The following HIF3A variants were observed in gnomAD, a reference collection of about 807,000 sequenced individuals.
The protein encoded by HIF3A is hypoxia inducible factor 3 subunit alpha, also known as hypoxia-inducible factor 3-alpha.
In HIF3A, 41 loss-of-function variants were observed where a neutral mutation model predicts 67.2. The observed-to-expected ratio is 0.61, with a 90% CI of 0.48 to 0.79. The LOEUF (loss-of-function observed/expected upper bound fraction) is 0.79. Among genes scored for constraint, HIF3A ranks in the 30% least tolerant of loss-of-function variants. The probability of loss-of-function intolerance (pLI) is 0.00; values close to 1 mark genes in which losing one functional copy is unlikely to be tolerated. For synonymous variants in HIF3A, 356 were observed against 374.8 expected (o/e 0.95, Z 0.58); for missense variants, 855 against 898.0 (o/e 0.95, Z 0.61).
intron 13 of HIF3A, among the ~76,000 whole-genome samples, chr19:46,334,006 G>A (rs1183329418): frequency 6.6e-6 from 1 of 151,702 alleles, no homozygotes; most frequent in East Asian, 1.9e-4. Context: ...TGTTATCCAG[G>A]ATGGTCTCAA....
In HIF3A at chr19:46,335,954, T is replaced by G. The variant is rs151145909; in HGVS notation, c.1912+968T>G. Among the ~76,000 whole-genome samples the G allele has an allele frequency of 1.4e-3, 219 of 152,090 alleles. 1 individual carries two copies. Among genetic ancestry groups the G allele is most frequent in the African/African-American group, 5.0e-3 (209 of 41,482 alleles). ...TACTTGGGAGGCTGAGACGGGAGGA[T>G]TGCTTAAGCCCAGGAGTTCGAGGCT... On this transcript the variant is annotated intron_variant, in intron 14 of 14. Transcript: ENST00000377670.
Position 46,342,720 on chromosome 19 carries a change from A to C in HIF3A, c.*3098A>C, listed in dbSNP as rs909283382. On this transcript the variant is annotated 3_prime_UTR_variant, in exon 15 of 15. Transcript: ENST00000377670. The stretch of plus-strand genomic sequence containing the variant: ...TCTGGTTCTGAATCTTATAACCTCA[A>C]CTCCCTAATTCCAGACCCCAGCCTC... The C allele has an allele frequency of 6.6e-6, 1 of 151,764 alleles. No homozygotes were observed. The highest frequency in any genetic ancestry group is 1.5e-5 in the Non-Finnish European group (1 of 67,952). 9.4% of individuals were successfully genotyped at this position (151,764 alleles called of 1,614,324 possible).
At chr19:46,315,879 A>G (rs908992014) in intron 8 of HIF3A, among the ~76,000 whole-genome samples, 1 of 151,864 alleles carries the variant, frequency 6.6e-6, no homozygotes, top group Admixed American at 6.6e-5. Flanking sequence ...ACACCGCTGC[A>G]CTCTAGCCTG....
intron 8 of HIF3A, among the ~76,000 whole-genome samples, chr19:46,316,157 G>A (rs1446132201): frequency 6.6e-6 from 1 of 152,028 alleles, no homozygotes; most frequent in Non-Finnish European, 1.5e-5. Context: ...CTTGAACCTG[G>A]GAGGCAGAGG....
intron 11 of HIF3A, among the ~76,000 whole-genome samples, chr19:46,328,390 A>T (rs1384491209): frequency 6.6e-6 from 1 of 152,222 alleles, no homozygotes; most frequent in Admixed American, 6.6e-5. Context: ...AAAACCTTCA[A>T]GTACTATCTC....
intron 10 of HIF3A, among the ~76,000 whole-genome samples, chr19:46,323,443 G>A (rs1160775534): frequency 2.0e-5 from 3 of 152,148 alleles, no homozygotes; most frequent in Non-Finnish European, 4.4e-5. Context: ...GAAGGCTGGA[G>A]AGGTTCTGTT....
intron 10 of HIF3A, among the ~76,000 whole-genome samples, chr19:46,324,943 C>A (rs1172593888): frequency 7.6e-6 from 1 of 132,260 alleles, no homozygotes; most frequent in Non-Finnish European, 1.6e-5. Context: ...TATATATATA[C>A]ATATATATAT....
chr19:46,309,466 C>T (rs1228663496), intron 6 of HIF3A, 107 bp downstream of exon 6: 17 of 672,258 alleles, frequency 2.5e-5, no homozygotes, highest in Admixed American at 1.5e-4. Flanking sequence ...TCTCTCACTT[C>T]ATCCATCTCT....
intron 13 of HIF3A, among the ~76,000 whole-genome samples, chr19:46,333,761 TTTTCC>T (rs1461623495): frequency 2.6e-5 from 4 of 151,168 alleles, no homozygotes; most frequent in African/African-American, 7.3e-5. Context: ...TTTTCTTTTC[TTTTCC>T]TTTCCTTTCT....
Position 46,339,560 on chromosome 19 carries a change from G to A in HIF3A, c.1948G>A (p.Glu650Lys), listed in dbSNP as rs761814773. Residue 650 changes from glutamate to lysine, a missense_variant, in exon 15 of 15, where the codon GAG (glutamate) becomes AAG (lysine). Coordinates refer to ENST00000377670, the MANE Select transcript of HIF3A (RefSeq NM_152795.4). ...CTCACTGCTCTCTCCGTACTCAGACGAGGACACTACCCAGCCCGGGGGCCC... is the reference window on the plus strand; with the variant it reads ...CTCACTGCTCTCTCCGTACTCAGACAAGGACACTACCCAGCCCGGGGGCCC... The part of the protein sequence containing the change: ...GPSLLSPYSD[E>K]DTTQPGGPFQ... 73 of 1,609,052 alleles carry A rather than the reference G, an allele frequency of 4.5e-5. No individual in the cohort carries two copies. The highest frequency in any genetic ancestry group is 3.2e-4 in the African/African-American group (24 of 74,834).
chr19:46,312,647 T>C lies in HIF3A; in HGVS notation c.1019T>C (p.Leu340Ser). 6.4e-7 allele frequency: 1 copy of C among 1,555,664 alleles called. No homozygotes were observed. The highest frequency in any genetic ancestry group is 8.7e-7 in the Non-Finnish European group (1 of 1,149,860). ...GAGAGTATCGTCTGTGTCCATTTTT[T>C]AATCAGGTAAGCAGGAGGAGGGGCT... ...QSESIVCVHFLISQVEETGVV... is the reference protein window; with the variant it reads ...QSESIVCVHFSISQVEETGVV... Residue 340 changes from leucine (L) to serine (S), a missense_variant, in exon 8 of 15, where the codon TTA becomes TCA. By Grantham distance (145) the Leu-to-Ser change is moderately radical. Coordinates refer to ENST00000377670, the MANE Select transcript of HIF3A (RefSeq NM_152795.4).
intron 1 of HIF3A, among the ~76,000 whole-genome samples, chr19:46,298,973 A>G (rs2147098814): frequency 6.6e-6 from 1 of 152,260 alleles, no homozygotes; most frequent in African/African-American, 2.4e-5. Context: ...TGCTTTTATT[A>G]TGCCTTCCTC....
chr19:46,300,427 G>A (rs543260680), intron 1 of HIF3A, among the ~76,000 whole-genome samples: 6 of 152,254 alleles, frequency 3.9e-5, no homozygotes, highest in Admixed American at 1.3e-4. Context: ...TTGGGAGTCC[G>A]AGGCAGACAG....
At chr19:46,308,474 G>A (rs75740504) in intron 4 of HIF3A, 169 bp downstream of exon 4, 5 of 634,148 alleles carry the variant, frequency 7.9e-6, no homozygotes, top group African/African-American at 7.4e-5. Flanking sequence ...GCCCTGGGGG[G>A]GTCTGAGGGG....
chr19:46,304,806 C>T (rs1205039553), intron 2 of HIF3A, among the ~76,000 whole-genome samples: 1 of 152,036 alleles, frequency 6.6e-6, no homozygotes, highest in African/African-American at 2.4e-5. Context: ...CTGGGAGTCC[C>T]TTCTTCTCTA....
Position 46,324,411 on chromosome 19 carries a change from C to T in HIF3A, c.1336-1124C>T, listed in dbSNP as rs1970604389. Among the ~76,000 whole-genome samples the T allele has an allele frequency of 3.3e-5, 5 of 152,172 alleles. No individual in the cohort carries two copies. In the South Asian group the frequency reaches 8.3e-4, roughly 25 times the overall value. On this transcript the variant is annotated intron_variant, in intron 10 of 14. Coordinates refer to ENST00000377670, the MANE Select transcript of HIF3A (RefSeq NM_152795.4). ...AGTGTTGACTGTCTTCATCCCCACT[C>T]TCCACCCCAAGAAAATATCCTCTCT...
At position 46,330,660 on chromosome 19, in the gene HIF3A, T is replaced by G. The variant is rs867375200; in HGVS notation, c.1713-496T>G. ...ATGGATGGTGGATGGTTGGCAGATGTATGGTGGATGGATGGCAGATGGATG... is the reference window on the plus strand; with the variant it reads ...ATGGATGGTGGATGGTTGGCAGATGGATGGTGGATGGATGGCAGATGGATG... On this transcript the variant is annotated intron_variant, in intron 12 of 14. Coordinates refer to ENST00000377670, the MANE Select transcript of HIF3A (RefSeq NM_152795.4). 2.0e-3 allele frequency among the ~76,000 whole-genome samples: 267 copies of G among 130,316 alleles called. 1 individual carries two copies. Among genetic ancestry groups the G allele is most frequent in the African/African-American group, 6.9e-3 (233 of 33,556 alleles). The allele number at this position is 130,316 out of a possible 152,430, so 85.5% of individuals were successfully genotyped here.
chr19:46,333,491 T>C (rs750016656), intron 13 of HIF3A, among the ~76,000 whole-genome samples: 11 of 152,052 alleles, frequency 7.2e-5, no homozygotes, highest in African/African-American at 2.4e-5. Flanking sequence ...ATAAATACCC[T>C]ACCTGCTGGT....
At chr19:46,328,980 C>T in intron 11 of HIF3A, 1 of 423,850 alleles carries the variant, frequency 2.4e-6, no homozygotes, top group Non-Finnish European at 4.2e-6. Flanking sequence ...GACTCAGCCT[C>T]CTAAAAGCTC....
Sources: allele counts gnomAD v4.1 joint callset (sites outside exome capture counted in the v4.1 genomes callset), GRCh38; gene constraint gnomAD v4.1.1; transcripts MANE v1.5; gene names NCBI Gene and HGNC (gene_info 2026-07-23, HGNC 2026-07-21).